Variants in SLC9A6 observed in about 807,000 individuals in gnomAD.
SLC9A6 encodes solute carrier family 9 member A6, also known as sodium/hydrogen exchanger 6.
In SLC9A6, 6 loss-of-function variants were observed where a neutral mutation model predicts 45.3. The observed-to-expected ratio is 0.13, with a 90% CI of 0.07 to 0.26. The LOEUF (loss-of-function observed/expected upper bound fraction) is 0.26, where lower values mean the gene tolerates loss of function less well. SLC9A6 is among the 10% of genes least tolerant of loss of function. SLC9A6 has a pLI of 1.00. For synonymous variants in SLC9A6, 191 were observed against 187.7 expected (o/e 1.02, Z -0.14); for missense variants, 278 against 503.7 (o/e 0.55, Z 4.29).
chrX:135,974,813 G>T (rs1047199019), intron 1 of SLC9A6: 12 of 309,149 alleles, frequency 3.9e-5, no homozygotes, highest in Non-Finnish European at 7.2e-5. Context: ...GCAAAAAGAG[G>T]TGTAGCGCGG....
intron 3 of SLC9A6, among the ~76,000 whole-genome samples, chrX:135,997,002 G>GA (rs1240720501): frequency 9.0e-6 from 1 of 111,100 alleles, no homozygotes; most frequent in Non-Finnish European, 1.9e-5. Context: ...TCCTGACTTT[G>GA]TGATCCGCCC....
intron 16 of SLC9A6, among the ~76,000 whole-genome samples, chrX:136,036,061 T>C (rs1249367318): frequency 9.0e-6 from 1 of 111,003 alleles, no homozygotes; most frequent in Admixed American, 9.7e-5. Flanking sequence ...TTGCCCAGCC[T>C]GTTTAGCTTT....
intron 13 of SLC9A6, 131 bp downstream of exon 13, chrX:136,024,614 A>T: frequency 1.6e-6 from 1 of 611,173 alleles, no homozygotes; most frequent in Non-Finnish European, 2.5e-6. Flanking sequence ...TATGTAATAT[A>T]TAGTACAGAA....
At chrX:136,036,931 A>G (rs1212911231) in intron 16 of SLC9A6, among the ~76,000 whole-genome samples, 2 of 112,098 alleles carry the variant, frequency 1.8e-5, no homozygotes, top group African/African-American at 6.5e-5. Flanking sequence ...TTTTTTCCAT[A>G]TGCATATCCA....
At chrX:136,037,795 C>A (rs1273102479) in intron 16 of SLC9A6, among the ~76,000 whole-genome samples, 1 of 111,987 alleles carries the variant, frequency 8.9e-6, no homozygotes, top group East Asian at 2.8e-4. Context: ...TGGTCTCGAT[C>A]TCCTGACCTT....
In SLC9A6 at chrX:136,040,057, TCTTC is replaced by T. The variant is rs1198342521; in HGVS notation, c.1662-15_1662-12del. On this transcript the variant is annotated splice_polypyrimidine_tract_variant and intron_variant, in intron 16 of 17. Coordinates refer to ENST00000630721, the MANE Select transcript of SLC9A6 (RefSeq NM_001379110.1). ...AAATTTGTAAAGAAAGGACCACAGC[TCTTC>T]CTTAACCACCGCAGCTATCTGAAGC... The T allele has an allele frequency of 8.6e-7, 1 of 1,159,914 alleles. No homozygotes were observed. Among genetic ancestry groups the T allele is most frequent in the Admixed American group, 2.2e-5 (1 of 45,474 alleles).
At chrX:136,024,140 G>C (rs1208471220) in intron 12 of SLC9A6, among the ~76,000 whole-genome samples, 190 bp from the exon 13 acceptor site, 1 of 111,948 alleles carries the variant, frequency 8.9e-6, no homozygotes, top group East Asian at 2.8e-4. Context: ...GCCCACCTCG[G>C]CCTCCCAAAG....
At chrX:135,979,058 A>G (rs2089275179) in intron 1 of SLC9A6, among the ~76,000 whole-genome samples, 1 of 110,373 alleles carries the variant, frequency 9.1e-6, no homozygotes, top group Admixed American at 9.7e-5. Flanking sequence ...GGTCAGGGAG[A>G]TGGATTTGAG....
At chrX:136,016,941 G>A (rs1556619344) in intron 11 of SLC9A6, among the ~76,000 whole-genome samples, 183 bp downstream of exon 11, 1 of 110,876 alleles carries the variant, frequency 9.0e-6, no homozygotes, top group East Asian at 2.8e-4. Context: ...TCAATTTGTG[G>A]TTATTGCACA....
chrX:136,040,003 G>A (rs1404886566), intron 16 of SLC9A6, 73 bp from the exon 17 acceptor site: 1 of 820,968 alleles, frequency 1.2e-6, no homozygotes, highest in East Asian at 3.3e-5. Context: ...TACTATGATG[G>A]TGATTATTAT....
Position 136,022,696 on chromosome X carries a change from T to C in SLC9A6, c.1305T>C (p.Ala435=), listed in dbSNP as rs2071148298. The C allele has an allele frequency of 1.7e-6, 2 of 1,145,136 alleles. No individual in the cohort carries two copies. Among genetic ancestry groups the C allele is most frequent in the African/African-American group, 1.8e-5 (1 of 55,939 alleles). The allele number at this position is 1,145,136 out of a possible 1,213,427, so 94.4% of individuals were successfully genotyped here. A position where few individuals can be genotyped will look rare whatever the true frequency, so the allele number is the denominator to read the frequency against. Residue 435 remains alanine, a splice_region_variant and synonymous_variant, in exon 12 of 18, where the codon GCT becomes GCC. Transcript: ENST00000630721. ...ATTTTCAACACATGATGATGTTTGC[T>C]GGTAAGTTGTAACTTTCTTCTCTTG... ...GSNFQHMMMF[A]GLRGAMAFAL... is the part of the protein sequence containing the mutation.
intron 9 of SLC9A6, 40 bp from the exon 10 acceptor site, chrX:136,013,309 C>A: frequency 9.6e-7 from 1 of 1,047,102 alleles, no homozygotes. Context: ...AAGGTGGGAA[C>A]CATCCTTTTA....
chrX:136,005,629 T>C, intron 7 of SLC9A6, among the ~76,000 whole-genome samples: 1 of 103,859 alleles, frequency 9.6e-6, no homozygotes, highest in South Asian at 4.4e-4. Context: ...TGCGGTGACC[T>C]GAGATCTCGG....
chrX:136,003,688 C>T (rs1449706838), intron 7 of SLC9A6, among the ~76,000 whole-genome samples: 5 of 112,016 alleles, frequency 4.5e-5, no homozygotes, highest in Non-Finnish European at 9.4e-5. Context: ...TAATTTTGTT[C>T]GACATTGTTA....
chrX:136,016,105 C>T (rs546525650), intron 10 of SLC9A6, among the ~76,000 whole-genome samples: 1 of 111,086 alleles, frequency 9.0e-6, no homozygotes, highest in East Asian at 2.8e-4. Flanking sequence ...ACTCCCTATA[C>T]GAGAGGAAGA....
At chrX:136,044,236 G>A (rs1299480067) in intron 17 of SLC9A6, among the ~76,000 whole-genome samples, 2 of 111,188 alleles carry the variant, frequency 1.8e-5, no homozygotes, top group African/African-American at 6.5e-5. Flanking sequence ...GCAGACAATG[G>A]GGCCTTTGGT....
intron 6 of SLC9A6, among the ~76,000 whole-genome samples, chrX:136,000,169 TGA>T (rs2089559070): frequency 9.8e-6 from 1 of 102,511 alleles, no homozygotes; most frequent in Admixed American, 1.1e-4. Flanking sequence ...GAGGACCACT[TGA>T]GCCTAGGAGT....
At chrX:135,978,326 C>G (rs2089271854) in intron 1 of SLC9A6, among the ~76,000 whole-genome samples, 2 of 111,913 alleles carry the variant, frequency 1.8e-5, no homozygotes, top group African/African-American at 6.5e-5. Context: ...TCCTAGGTTA[C>G]TTGTGTGAGG....
In SLC9A6 at chrX:136,010,356, A is replaced by C. The variant is rs781931336; in HGVS notation, c.744-86A>C. The C allele has an allele frequency of 9.9e-5, 104 of 1,052,551 alleles. 1 individual carries two copies. In the African/African-American group the frequency reaches 1.5e-3, roughly 15 times the overall value. 86.7% of individuals were successfully genotyped at this position (1,052,551 alleles called of 1,213,427 possible). A position where few individuals can be genotyped will look rare whatever the true frequency, so the allele number is the denominator to read the frequency against. ...AAAGCTTGTTTTTCTTCTCCCTCTA[A>C]TTTCATCTTTCAAGCTCTATACTAC... is the stretch of plus-strand genomic sequence containing the variant. On this transcript the variant is annotated intron_variant, in intron 7 of 17. Transcript: ENST00000630721.
Sources: allele counts gnomAD v4.1 joint callset (sites outside exome capture counted in the v4.1 genomes callset), GRCh38; gene constraint gnomAD v4.1.1; transcripts MANE v1.5; gene names NCBI Gene and HGNC (gene_info 2026-07-23, HGNC 2026-07-21).